The following SPIN2A variants were observed in gnomAD, a reference collection of about 807,000 sequenced individuals.
SPIN2A encodes spindlin family member 2A.
Under a neutral mutation model 9.2 loss-of-function variants are expected in SPIN2A, and 4 were observed. The observed-to-expected ratio is 0.44, with a 90% CI of 0.21 to 1.00. SPIN2A has a LOEUF of 1.00. Ranked by LOEUF, SPIN2A falls within the 50% of genes least tolerant of loss-of-function variation. The pLI is 0.26. For synonymous variants in SPIN2A, 25 were observed against 61.2 expected (o/e 0.41, Z 2.76); for missense variants, 77 against 172.8 (o/e 0.45, Z 3.11).
At position 57,136,919 on chromosome X, in the gene SPIN2A, C is replaced by G. The variant is rs377519780; in HGVS notation, c.-5-317G>C. The G allele has an allele frequency of 6.8e-6, 5 of 732,810 alleles. No homozygotes were observed. In the African/African-American group the frequency reaches 1.1e-4, roughly 16 times the overall value. The allele number at this position is 732,810 out of a possible 1,213,427, so 60.4% of individuals were successfully genotyped here. On this transcript the variant is annotated intron_variant, in intron 1 of 1. Coordinates refer to ENST00000374906, the MANE Select transcript of SPIN2A (RefSeq NM_019003.5). Reference sequence around the variant, plus strand: ...CTGCCACTAGCATCCACTCCCAATCCCCTGCAAAGCGGCCTTGACCAGCAC... The same window carrying G: ...CTGCCACTAGCATCCACTCCCAATCGCCTGCAAAGCGGCCTTGACCAGCAC...
upstream of SPIN2A, among the ~76,000 whole-genome samples, chrX:57,139,290 C>T (rs1292779634): frequency 8.9e-6 from 1 of 112,070 alleles, no homozygotes; most frequent in Non-Finnish European, 1.9e-5. Context: ...CCAGTTTTCC[C>T]AACAACATTT....
chrX:57,141,755 GT>G (rs1352343850), upstream of SPIN2A, among the ~76,000 whole-genome samples: 1 of 110,585 alleles, frequency 9.0e-6, no homozygotes, highest in African/African-American at 3.3e-5. Flanking sequence ...TTTATTTTCT[GT>G]GTTATTATAA....
In SPIN2A at chrX:57,136,010, A is replaced by G. The variant is rs377298383; in HGVS notation, c.588T>C (p.Pro196=). 1 of 1,202,831 alleles carries G rather than the reference A, an allele frequency of 8.3e-7. No homozygotes were observed. The change falls in exon 2 of 2, where the codon CCT becomes CCC. Residue 196 remains proline, a synonymous_variant. Coordinates refer to ENST00000374906, the MANE Select transcript of SPIN2A (RefSeq NM_019003.5). ...CTCCTCCTGGCTCCCTCTCTGTTGG[A>G]GGAGACTCACTGGATTCTGGCATGA... is the stretch of plus-strand genomic sequence containing the variant. The part of the protein sequence containing the change: ...LRIMPESSES[P]PTEREPGGVV...
upstream of SPIN2A, among the ~76,000 whole-genome samples, chrX:57,139,517 A>C (rs1927939202): frequency 9.0e-6 from 1 of 111,100 alleles, no homozygotes; most frequent in Non-Finnish European, 1.9e-5. Flanking sequence ...GCAGTGGTGC[A>C]ATCTTGGCTC....
intron 1 of SPIN2A, 113 bp downstream of exon 1, chrX:57,137,147 C>T (rs1447838217): frequency 7.0e-5 from 53 of 762,589 alleles, no homozygotes; most frequent in Non-Finnish European, 7.9e-5. Context: ...CACCCCATGT[C>T]TCCTGCTGGA....
chrX:57,143,107 C>T, the SPIN2A span, among the ~76,000 whole-genome samples: 2 of 111,070 alleles, frequency 1.8e-5, no homozygotes, highest in South Asian at 7.5e-4. Context: ...CATTTACTGC[C>T]AATATTATTA....
At chrX:57,144,116 A>C in the SPIN2A span, among the ~76,000 whole-genome samples, 131 of 112,087 alleles carry the variant, frequency 1.2e-3, no homozygotes, top group African/African-American at 4.1e-3. Flanking sequence ...TTCCTTCTGC[A>C]CTTTCAATAT....
In SPIN2A at chrX:57,137,261, T is replaced by G; in HGVS notation, c.-7A>C. On this transcript the variant is annotated splice_region_variant and 5_prime_UTR_variant, in exon 1 of 2. Transcript: ENST00000374906. Reference sequence around the variant, plus strand: ...GCCTCACGTGCCGAAATCGGATACCTCGATGCTGCCTCTGCTGTGAGCCTG... The same window carrying G: ...GCCTCACGTGCCGAAATCGGATACCGCGATGCTGCCTCTGCTGTGAGCCTG... The G allele has an allele frequency of 1.3e-6, 1 of 761,741 alleles. No homozygotes were observed. The highest frequency in any genetic ancestry group is 1.6e-6 in the Non-Finnish European group (1 of 643,080). The allele number at this position is 761,741 out of a possible 1,213,427, so 62.8% of individuals were successfully genotyped here.
chrX:57,137,038 T>C (rs767100153), intron 1 of SPIN2A: 423 of 824,931 alleles, frequency 5.1e-4, no homozygotes, highest in South Asian at 2.8e-3. Flanking sequence ...CCTTGCTTCC[T>C]GGCGCTCACC....
At chrX:57,142,951 A>G in the SPIN2A span, among the ~76,000 whole-genome samples, 1 of 111,226 alleles carries the variant, frequency 9.0e-6, no homozygotes, top group African/African-American at 3.3e-5. Flanking sequence ...TTCCATTTGC[A>G]TAGAATATCT....
chrX:57,138,049 T>G (rs1927886254), upstream of SPIN2A, among the ~76,000 whole-genome samples: 1 of 112,128 alleles, frequency 8.9e-6, no homozygotes, highest in East Asian at 2.8e-4. Context: ...ACATTAAGTG[T>G]TTCTCCAAAG....
At chrX:57,145,245 C>CT in the SPIN2A span, among the ~76,000 whole-genome samples, 36 of 79,395 alleles carry the variant, frequency 4.5e-4, no homozygotes, top group Non-Finnish European at 7.3e-4. Context: ...TGATTATGAT[C>CT]ATTCTTTTGG....
At chrX:57,135,575 G>C, downstream of SPIN2A, 1 of 542,701 alleles carries the variant, frequency 1.8e-6, no homozygotes, top group Non-Finnish European at 2.9e-6. Flanking sequence ...ATTGACAGCT[G>C]TTCGTTCCTT....
At chrX:57,138,622 T>C (rs1927909598), upstream of SPIN2A, among the ~76,000 whole-genome samples, 2 of 111,239 alleles carry the variant, frequency 1.8e-5, no homozygotes, top group African/African-American at 6.5e-5. Context: ...GTTTTAGTTT[T>C]TGGAGGAACT....
chrX:57,136,135 C>A lies in SPIN2A; in HGVS notation c.463G>T (p.Ala155Ser). The change falls in exon 2 of 2, where the codon GCA (alanine) becomes TCA (serine). Residue 155 changes from alanine (A) to serine (S), a missense_variant. Around this residue, in one of 4 missense-constraint regions of SPIN2A, gnomAD observed 17 missense variants for 19.9 expected, o/e 0.85. Coordinates refer to ENST00000374906, the MANE Select transcript of SPIN2A (RefSeq NM_019003.5). ...DEWRGMVLAQ[A>S]PIMKAWFYIT... ...TAAAACCAGGCTTTCATGATAGGTGCTTGAGCTAAGACCATCCCCCTCCAT... is the reference window on the plus strand; with the variant it reads ...TAAAACCAGGCTTTCATGATAGGTGATTGAGCTAAGACCATCCCCCTCCAT... The A allele has an allele frequency of 8.3e-7, 1 of 1,209,659 alleles. No homozygotes were observed. Among genetic ancestry groups the A allele is most frequent in the Non-Finnish European group, 1.1e-6 (1 of 895,003 alleles).
At chrX:57,146,957 C>T in the SPIN2A span, among the ~76,000 whole-genome samples, 1 of 111,363 alleles carries the variant, frequency 9.0e-6, no homozygotes, top group Admixed American at 9.5e-5. Context: ...TGCTGCTGGA[C>T]TTGGTTAGCT....
upstream of SPIN2A, among the ~76,000 whole-genome samples, chrX:57,138,419 A>ATT (rs1927900846): frequency 1.8e-5 from 2 of 109,332 alleles, no homozygotes; most frequent in Non-Finnish European, 3.8e-5. Context: ...ATAATATTTT[A>ATT]TTATATATAT....
chrX:57,144,869 G>T, the SPIN2A span, among the ~76,000 whole-genome samples: 2 of 103,850 alleles, frequency 1.9e-5, no homozygotes, highest in South Asian at 8.5e-4. Flanking sequence ...TTTTATGACT[G>T]AGTAGTATTC....
upstream of SPIN2A, among the ~76,000 whole-genome samples, chrX:57,140,456 G>C (rs982390272): frequency 9.6e-6 from 1 of 104,622 alleles, no homozygotes; most frequent in African/African-American, 3.6e-5. Flanking sequence ...TTAACCTGGC[G>C]TGGTGGCAGG....
Sources: allele counts gnomAD v4.1 joint callset (sites outside exome capture counted in the v4.1 genomes callset), GRCh38; gene constraint gnomAD v4.1.1; regional missense constraint gnomAD v4.1.1; transcripts MANE v1.5; gene names NCBI Gene and HGNC (gene_info 2026-07-23, HGNC 2026-07-21).